The following BRD10 variants were observed in gnomAD, a reference collection of about 807,000 sequenced individuals.
BRD10 encodes the protein uncharacterized bromodomain-containing protein 10.
the BRD10 span, among the ~76,000 whole-genome samples, chr9:5,965,790 G>C: frequency 6.6e-6 from 1 of 152,186 alleles, no homozygotes; most frequent in African/African-American, 2.4e-5. Context: ...AAAAGAGTGA[G>C]AAAGTAAAGA....
At chr9:5,952,074 G>T in the BRD10 span, among the ~76,000 whole-genome samples, 1 of 151,698 alleles carries the variant, frequency 6.6e-6, no homozygotes, top group Admixed American at 6.6e-5. Context: ...AGCCTGGAGT[G>T]CAATGGCGTG....
chr9:5,944,504 A>C, the BRD10 span, among the ~76,000 whole-genome samples: 15 of 152,118 alleles, frequency 9.9e-5, no homozygotes, highest in African/African-American at 3.4e-4. Context: ...CACTGAATTA[A>C]AATTTTATGT....
the BRD10 span, among the ~76,000 whole-genome samples, chr9:6,004,640 T>C: frequency 6.6e-6 from 1 of 152,224 alleles, no homozygotes; most frequent in African/African-American, 2.4e-5. Context: ...TCAAATAATA[T>C]CTAAGTGATT....
the BRD10 span, among the ~76,000 whole-genome samples, chr9:5,994,901 C>CTTTTTTTTTTTTTTTTTT: frequency 3.5e-5 from 5 of 141,682 alleles, no homozygotes; most frequent in African/African-American, 1.3e-4. Context: ...TATCATTTTT[C>CTTTTTTTTTTTTTTTTTT]TTTTTTTTTT....
the BRD10 span, among the ~76,000 whole-genome samples, chr9:5,894,907 G>A: frequency 1.3e-5 from 2 of 152,184 alleles, no homozygotes; most frequent in Non-Finnish European, 2.9e-5. The surrounding 1 kb of genome is among the most constrained non-coding windows in gnomAD (Gnocchi z 4.0). Flanking sequence ...AGGGCAAAGG[G>A]GGTTATGACC....
the BRD10 span, chr9:5,988,661 C>T: frequency 1.4e-6 from 1 of 702,840 alleles, no homozygotes. Context: ...TTAAACCTTA[C>T]TTACTTAGCT....
At chr9:5,951,350 T>G in the BRD10 span, among the ~76,000 whole-genome samples, 1 of 151,972 alleles carries the variant, frequency 6.6e-6, no homozygotes, top group Non-Finnish European at 1.5e-5. Context: ...ACTTCACAAT[T>G]TAACCCTTTC....
chr9:5,970,444 GCAC>G, the BRD10 span, among the ~76,000 whole-genome samples: 2 of 151,956 alleles, frequency 1.3e-5, no homozygotes. Flanking sequence ...GATTTTATTA[GCAC>G]TACTATAAAA....
chr9:5,924,645 G>T, the BRD10 span: 1 of 1,465,510 alleles, frequency 6.8e-7, no homozygotes, highest in Non-Finnish European at 9.1e-7. Context: ...TAAAAAAAAA[G>T]TTTAATGCTT....
chr9:5,942,228 T>C, the BRD10 span, among the ~76,000 whole-genome samples: 1 of 152,076 alleles, frequency 6.6e-6, no homozygotes, highest in Non-Finnish European at 1.5e-5. Flanking sequence ...AATATTGTTA[T>C]TCATAACGAT....
chr9:6,004,803 G>C, the BRD10 span, among the ~76,000 whole-genome samples: 1 of 152,136 alleles, frequency 6.6e-6, no homozygotes, highest in Non-Finnish European at 1.5e-5. Flanking sequence ...TCAAACAGTT[G>C]TGACCTATGC....
chr9:6,000,022 A>G, the BRD10 span, among the ~76,000 whole-genome samples: 1 of 152,196 alleles, frequency 6.6e-6, no homozygotes, highest in Non-Finnish European at 1.5e-5. Flanking sequence ...TTTCAATAAA[A>G]TACATTTTTA....
the BRD10 span, among the ~76,000 whole-genome samples, chr9:5,918,231 A>G: frequency 6.6e-6 from 1 of 152,288 alleles, no homozygotes; most frequent in East Asian, 1.9e-4. Flanking sequence ...CCACTTTGAT[A>G]ACAAATACAC....
chr9:5,917,582 C>T, the BRD10 span, among the ~76,000 whole-genome samples: 2 of 152,158 alleles, frequency 1.3e-5, no homozygotes, highest in African/African-American at 4.8e-5. Flanking sequence ...ACCTATAATC[C>T]CAGCACTTTG....
chr9:5,897,750 T>G, the BRD10 span: 2 of 1,069,814 alleles, frequency 1.9e-6, no homozygotes, highest in South Asian at 2.5e-5. Context: ...ATTGCCTCAT[T>G]ATAACCTTCA....
At chr9:5,918,679 C>CA in the BRD10 span, among the ~76,000 whole-genome samples, 25 of 136,206 alleles carry the variant, frequency 1.8e-4, no homozygotes, top group African/African-American at 4.2e-4. Context: ...GCATTAGTGG[C>CA]AAAAAAACCA....
chr9:5,982,036 T>TG, the BRD10 span, among the ~76,000 whole-genome samples: 1 of 146,860 alleles, frequency 6.8e-6, no homozygotes, highest in East Asian at 2.0e-4. Context: ...TGAAATTTTA[T>TG]GTATGTATGT....
At chr9:5,899,624 G>A in the BRD10 span, among the ~76,000 whole-genome samples, 1 of 152,290 alleles carries the variant, frequency 6.6e-6, no homozygotes, top group South Asian at 2.1e-4. Flanking sequence ...GTCCACAACA[G>A]GTTAGTAGGG....
chr9:5,915,216 A>G, the BRD10 span, among the ~76,000 whole-genome samples: 3 of 152,138 alleles, frequency 2.0e-5, no homozygotes, highest in Non-Finnish European at 4.4e-5. Flanking sequence ...TAGCATTACT[A>G]GATACCTGAT....
Sources: gnomAD v4.1 joint callset for allele counts (sites outside exome capture counted in the v4.1 genomes callset) on GRCh38, gnomAD v4.1.1 for gene constraint, Gnocchi (gnomAD v3.1) non-coding constraint, MANE v1.5 for transcripts, NCBI Gene and HGNC (gene_info 2026-07-23, HGNC 2026-07-21) for gene names.